DNAJB5: variants seen among roughly 807,000 people sequenced by gnomAD.
DNAJB5 encodes the protein dnaJ homolog subfamily B member 5.
In DNAJB5, 12 loss-of-function variants were observed where a neutral mutation model predicts 32.6. The observed-to-expected ratio is 0.37, with a 90% CI of 0.24 to 0.60. The LOEUF (loss-of-function observed/expected upper bound fraction) is 0.60. DNAJB5 is among the 20% of genes least tolerant of loss of function. The probability of loss-of-function intolerance (pLI) is 0.71; values close to 1 mark genes in which losing one functional copy is unlikely to be tolerated. For synonymous variants in DNAJB5, 188 were observed against 212.9 expected, an observed-to-expected ratio of 0.88 and a Z score of 1.02; for missense variants, 358 against 554.2, an observed-to-expected ratio of 0.65 and a Z score of 3.55.
chr9:34,996,971 C>T lies in DNAJB5; in HGVS notation c.1030-55C>T. ...TTTCCCCACCTCAGTCTATTTCCTT[C>T]CTTCCCACTCACCTTACCCCACCTT... On this transcript the variant is annotated intron_variant, in intron 4 of 4. Transcript: ENST00000682809. This position sits in a 1 kb window ranked among gnomAD's most constrained non-coding sequence, Gnocchi z 7.2. The T allele has an allele frequency of 6.2e-7, 1 of 1,601,388 alleles. No individual in the cohort carries two copies. The highest frequency in any genetic ancestry group is 8.5e-7 in the Non-Finnish European group (1 of 1,176,404).
intron 3 of DNAJB5, among the ~76,000 whole-genome samples, chr9:34,995,445 A>C (rs562262155): frequency 2.7e-4 from 41 of 152,288 alleles, no homozygotes; most frequent in African/African-American, 9.4e-4. Context: ...AGAGCAGCTA[A>C]GGTCACCACT....
At chr9:34,994,627 A>G (rs1324046249) in intron 3 of DNAJB5, among the ~76,000 whole-genome samples, 1 of 152,172 alleles carries the variant, frequency 6.6e-6, no homozygotes, top group Non-Finnish European at 1.5e-5. Flanking sequence ...AATTGCACCC[A>G]TTCCTCCATT....
chr9:34,990,398 A>T lies in DNAJB5; in HGVS notation c.-132-101A>T. 1 of 1,526,352 alleles carries T rather than the reference A, an allele frequency of 6.6e-7. No homozygotes were observed. The highest frequency in any genetic ancestry group is 8.8e-7 in the Non-Finnish European group (1 of 1,141,422). The allele number at this position is 1,526,352 out of a possible 1,614,324, so 94.6% of individuals were successfully genotyped here. On this transcript the variant is annotated intron_variant, in intron 1 of 4. Coordinates refer to ENST00000682809, the MANE Select transcript of DNAJB5 (RefSeq NM_001349723.3). The surrounding 1 kb of genome is among the most constrained non-coding windows in gnomAD (Gnocchi z 4.5). ...CACGCTTGCACTCCCAGCCTCACTG[A>T]CACGCTGCCATACAGCCGCTCACAG...
Position 34,997,590 on chromosome 9 carries a change from T to TAG in DNAJB5, c.*332_*333dup, listed in dbSNP as rs1827838417. ...GAGATTCCTTATCCATGCCTGTACATAGCATGTCCTCCTCCCCTCAGCTTT... is the reference window on the plus strand; with the variant it reads ...GAGATTCCTTATCCATGCCTGTACATAGAGCATGTCCTCCTCCCCTCAGCTTT... On this transcript the variant is annotated 3_prime_UTR_variant, in exon 5 of 5. Transcript: ENST00000682809. The surrounding 1 kb of genome is among the most constrained non-coding windows in gnomAD (Gnocchi z 4.1). 1 of 414,926 alleles carries TAG rather than the reference T, an allele frequency of 2.4e-6. No individual in the cohort carries two copies. The highest frequency in any genetic ancestry group is 2.0e-5 in the South Asian group (1 of 48,870). The allele number at this position is 414,926 out of a possible 1,614,324, so 25.7% of individuals were successfully genotyped here. A position where few individuals can be genotyped will look rare whatever the true frequency, so the allele number is the denominator to read the frequency against.
Position 34,990,151 on chromosome 9 carries a change from C to T in DNAJB5, c.-133+320C>T, listed in dbSNP as rs1338566452. ...ACATCACCGACCACCCTCCCCCGCCCGAGCCCCCTCCCCTCCTCTCCTCGC... is the reference window on the plus strand; with the variant it reads ...ACATCACCGACCACCCTCCCCCGCCTGAGCCCCCTCCCCTCCTCTCCTCGC... On this transcript the variant is annotated intron_variant, in intron 1 of 4. Coordinates refer to ENST00000682809, the MANE Select transcript of DNAJB5 (RefSeq NM_001349723.3). This position sits in a 1 kb window ranked among gnomAD's most constrained non-coding sequence, Gnocchi z 4.5. 3.8e-6 allele frequency: 3 copies of T among 794,526 alleles called. No individual in the cohort carries two copies. The East Asian group carries it at 1.0e-4, about 28-fold the overall frequency. 49.2% of individuals were successfully genotyped at this position (794,526 alleles called of 1,614,324 possible). A position where few individuals can be genotyped will look rare whatever the true frequency, so the allele number is the denominator to read the frequency against.
At chr9:34,994,203 C>G (rs539267331) in intron 3 of DNAJB5, among the ~76,000 whole-genome samples, 2 of 152,238 alleles carry the variant, frequency 1.3e-5, no homozygotes, top group African/African-American at 4.8e-5. Flanking sequence ...GACATTGTCA[C>G]GCTGAGGACT....
chr9:34,997,510 CCA>C lies in DNAJB5; in HGVS notation c.*252_*253del. On this transcript the variant is annotated 3_prime_UTR_variant, in exon 5 of 5. Transcript: ENST00000682809. This position sits in a 1 kb window ranked among gnomAD's most constrained non-coding sequence, Gnocchi z 4.1. The stretch of plus-strand genomic sequence containing the variant: ...AATGTTCATGTCACTAGCTTTCAAT[CCA>C]GTTTCCACTGCAGTGGCTGGAGAGT... 1 of 628,196 alleles carries C rather than the reference CCA, an allele frequency of 1.6e-6. No individual in the cohort carries two copies. The highest frequency in any genetic ancestry group is 1.6e-5 in the South Asian group (1 of 61,042). 38.9% of individuals were successfully genotyped at this position (628,196 alleles called of 1,614,324 possible). A position where few individuals can be genotyped will look rare whatever the true frequency, so the allele number is the denominator to read the frequency against.
rs1191608374 is a variant in DNAJB5, at chr9:34,990,604, G to A, written c.-27G>A. On this transcript the variant is annotated 5_prime_UTR_variant, in exon 2 of 5. Coordinates refer to ENST00000682809, the MANE Select transcript of DNAJB5 (RefSeq NM_001349723.3). The surrounding 1 kb of genome is among the most constrained non-coding windows in gnomAD (Gnocchi z 4.5). Reference sequence around the variant, plus strand: ...CACTTCAGGCCGGCTCCGGTGGAGCGATCAGAGGTGAGGGGCTTGGCTGGG... The same window carrying A: ...CACTTCAGGCCGGCTCCGGTGGAGCAATCAGAGGTGAGGGGCTTGGCTGGG... 1 of 1,551,478 alleles carries A rather than the reference G, an allele frequency of 6.4e-7. No homozygotes were observed. Among genetic ancestry groups the A allele is most frequent in the Non-Finnish European group, 8.7e-7 (1 of 1,146,946 alleles).
intron 2 of DNAJB5, chr9:34,991,602 G>T: frequency 3.9e-6 from 1 of 258,966 alleles, no homozygotes; most frequent in Non-Finnish European, 7.9e-6. Flanking sequence ...GGTTGAGGCA[G>T]AAATGGCAGA....
In DNAJB5 at chr9:34,997,341, C is replaced by A; in HGVS notation, c.*82C>A. On this transcript the variant is annotated 3_prime_UTR_variant, in exon 5 of 5. Transcript: ENST00000682809. This position sits in a 1 kb window ranked among gnomAD's most constrained non-coding sequence, Gnocchi z 4.1. Reference sequence around the variant, plus strand: ...CTCAATGTGCACCCAGCTTGATGTCCACTGGACACTGGCAACTTTTTCTAA... The same window carrying A: ...CTCAATGTGCACCCAGCTTGATGTCAACTGGACACTGGCAACTTTTTCTAA... The A allele has an allele frequency of 7.2e-7, 1 of 1,394,306 alleles. No individual in the cohort carries two copies. The highest frequency in any genetic ancestry group is 1.0e-6 in the Non-Finnish European group (1 of 981,606). 86.4% of individuals were successfully genotyped at this position (1,394,306 alleles called of 1,614,324 possible). A position where few individuals can be genotyped will look rare whatever the true frequency, so the allele number is the denominator to read the frequency against.
At chr9:34,998,822 T>C (rs1268542623), downstream of DNAJB5, 1 of 148,282 alleles carries the variant, frequency 6.7e-6, no homozygotes, top group Non-Finnish European at 1.5e-5. Context: ...TTTTTTTTTT[T>C]TTTTTTTTTT....
At position 34,993,675 on chromosome 9, in the gene DNAJB5, G is replaced by T. The variant is rs1336429219; in HGVS notation, c.427+231G>T. 1.3e-5 allele frequency among the ~76,000 whole-genome samples: 2 copies of T among 152,136 alleles called. No homozygotes were observed. The highest frequency in any genetic ancestry group is 2.9e-5 in the Non-Finnish European group (2 of 68,016). ...CCTCCTCGGGTTCAGGCCTTAGAGA[G>T]GTCTGAAGCAAGAGCCAGAGGCCTT... On this transcript the variant is annotated intron_variant, in intron 3 of 4. Transcript: ENST00000682809. The surrounding 1 kb of genome is among the most constrained non-coding windows in gnomAD (Gnocchi z 4.7).
rs1269951523 is a variant in DNAJB5 at position 34,996,265 on chromosome 9, G to C, written c.428G>C (p.Gly143Ala). Reference sequence around the variant, plus strand: ...GCCCCTAACTTCTCCTCCCCTCTAGGCCTGAAGACCGGCGGTGGCACATCA... The same window carrying C: ...GCCCCTAACTTCTCCTCCCCTCTAGCCCTGAAGACCGGCGGTGGCACATCA... ...RGLYDQYGEE[G>A]LKTGGGTSGG... Residue 143 changes from glycine to alanine, a missense_variant and splice_region_variant, in exon 4 of 5, where the codon GGC (glycine) becomes GCC (alanine). This residue lies in a region of DNAJB5 where 248 missense variants were observed against 442.6 expected (regional missense o/e 0.56). Coordinates refer to ENST00000682809, the MANE Select transcript of DNAJB5 (RefSeq NM_001349723.3). This position sits in a 1 kb window ranked among gnomAD's most constrained non-coding sequence, Gnocchi z 7.2. The C allele has an allele frequency of 1.9e-6, 3 of 1,612,754 alleles. No individual in the cohort carries two copies. The highest frequency in any genetic ancestry group is 2.5e-6 in the Non-Finnish European group (3 of 1,179,254).
Position 34,990,370 on chromosome 9 carries a change from AC to A in DNAJB5, c.-132-128del. The A allele has an allele frequency of 6.6e-7, 1 of 1,510,020 alleles. No individual in the cohort carries two copies. The highest frequency in any genetic ancestry group is 8.8e-7 in the Non-Finnish European group (1 of 1,131,462). The allele number at this position is 1,510,020 out of a possible 1,614,324, so 93.5% of individuals were successfully genotyped here. On this transcript the variant is annotated intron_variant, in intron 1 of 4. Coordinates refer to ENST00000682809, the MANE Select transcript of DNAJB5 (RefSeq NM_001349723.3). This position sits in a 1 kb window ranked among gnomAD's most constrained non-coding sequence, Gnocchi z 4.5. ...CAGGTATACACGCTGCCACTCACAA[AC>A]ACACGCTTGCACTCCCAGCCTCACT... is the stretch of plus-strand genomic sequence containing the variant.
intron 3 of DNAJB5, among the ~76,000 whole-genome samples, chr9:34,995,114 G>A (rs937968363): frequency 2.6e-5 from 4 of 152,244 alleles, no homozygotes; most frequent in Admixed American, 6.5e-5. Context: ...GGTCTTGGGG[G>A]AGGGGTGAAG....
At position 34,996,107 on chromosome 9, in the gene DNAJB5, C is replaced by T. The variant is rs1827783957; in HGVS notation, c.428-158C>T. On this transcript the variant is annotated intron_variant, in intron 3 of 4. Transcript: ENST00000682809. The surrounding 1 kb of genome is among the most constrained non-coding windows in gnomAD (Gnocchi z 7.2). ...AATTAGGAATGGAAGATAATCTTGC[C>T]AGAAGCCTTTCTTACTCTATTAGCC... 6.6e-6 allele frequency among the ~76,000 whole-genome samples: 1 copy of T among 152,148 alleles called. No homozygotes were observed. The highest frequency in any genetic ancestry group is 1.5e-5 in the Non-Finnish European group (1 of 68,020).
chr9:34,990,972 C>T lies in DNAJB5; in HGVS notation c.182+160C>T. On this transcript the variant is annotated intron_variant, in intron 2 of 4. Coordinates refer to ENST00000682809, the MANE Select transcript of DNAJB5 (RefSeq NM_001349723.3). The surrounding 1 kb of genome is among the most constrained non-coding windows in gnomAD (Gnocchi z 4.5). ...CTCACCCACATATTTGAATGAATTG[C>T]ACCCCTTATCATTCCTTTTCTCAAA... 1 of 685,360 alleles carries T rather than the reference C, an allele frequency of 1.5e-6. No individual in the cohort carries two copies. Among genetic ancestry groups the T allele is most frequent in the South Asian group, 1.9e-5 (1 of 52,012 alleles). The allele number at this position is 685,360 out of a possible 1,614,324, so 42.5% of individuals were successfully genotyped here. A position where few individuals can be genotyped will look rare whatever the true frequency, so the allele number is the denominator to read the frequency against.
chr9:34,993,289 A>G lies in DNAJB5; in HGVS notation c.272A>G (p.Glu91Gly). ...LGIPSGANED[E>G]IKKAYRKMAL... ...ATCCCATCGGGGGCCAACGAGGATG[A>G]GATCAAGAAAGCCTACCGGAAGATG... is the stretch of plus-strand genomic sequence containing the variant. The change falls in exon 3 of 5, where the codon GAG (glutamate) becomes GGG (glycine). Residue 91 changes from glutamate (E) to glycine (G), a missense_variant. Physicochemically the swap from Glu to Gly is moderately conservative, Grantham distance 98 (BLOSUM62 -2). Coordinates refer to ENST00000682809, the MANE Select transcript of DNAJB5 (RefSeq NM_001349723.3). This position sits in a 1 kb window ranked among gnomAD's most constrained non-coding sequence, Gnocchi z 4.7. 1.9e-6 allele frequency: 3 copies of G among 1,614,216 alleles called. No homozygotes were observed. The highest frequency in any genetic ancestry group is 2.5e-6 in the Non-Finnish European group (3 of 1,180,038).
rs1587501098 is a variant in DNAJB5 at position 34,996,028 on chromosome 9, A to G, written c.428-237A>G. ...TCCTCTAGTCCTGGCTTTTCCACCT[A>G]TTGGGTAAGCAAGCCTCTTTGAATC... On this transcript the variant is annotated intron_variant, in intron 3 of 4. Coordinates refer to ENST00000682809, the MANE Select transcript of DNAJB5 (RefSeq NM_001349723.3). The surrounding 1 kb of genome is among the most constrained non-coding windows in gnomAD (Gnocchi z 7.2). Among the ~76,000 whole-genome samples, 1 of 152,186 alleles carries G rather than the reference A, an allele frequency of 6.6e-6. No individual in the cohort carries two copies. Among genetic ancestry groups the G allele is most frequent in the South Asian group, 2.1e-4 (1 of 4,818 alleles).
Sources: gnomAD v4.1 joint callset for allele counts (sites outside exome capture counted in the v4.1 genomes callset) on GRCh38, gnomAD v4.1.1 for gene constraint, gnomAD v4.1.1 regional missense constraint, Gnocchi (gnomAD v3.1) non-coding constraint, MANE v1.5 for transcripts, NCBI Gene and HGNC (gene_info 2026-07-23, HGNC 2026-07-21) for gene names.